The following AFAP1 variants were observed in gnomAD, a reference collection of about 807,000 sequenced individuals.
AFAP1 encodes the protein actin filament-associated protein 1.
In AFAP1, 75 loss-of-function variants were observed where a neutral mutation model predicts 93.9. That is an observed-to-expected ratio of 0.80 (90% CI 0.66 to 0.97). The LOEUF (loss-of-function observed/expected upper bound fraction) is 0.97. Ranked by LOEUF, AFAP1 falls within the 50% of genes least tolerant of loss-of-function variation. The pLI is 0.00. For synonymous variants in AFAP1, 517 were observed against 430.7 expected (o/e 1.20, Z -2.48); for missense variants, 1,201 against 1,050.8 (o/e 1.14, Z -1.98).
At chr4:7,781,912 C>T (rs1716812782) in intron 12 of AFAP1, among the ~76,000 whole-genome samples, 1 of 152,080 alleles carries the variant, frequency 6.6e-6, no homozygotes. Flanking sequence ...ATTCCCAGAA[C>T]TCTTGGATTA....
chr4:7,817,185 A>G (rs1720552189), intron 7 of AFAP1, among the ~76,000 whole-genome samples: 1 of 152,266 alleles, frequency 6.6e-6, no homozygotes, highest in Admixed American at 6.5e-5. Context: ...TTAAAAAAGA[A>G]AAAGAGGTCT....
At chr4:7,855,044 G>A (rs2149140984) in intron 4 of AFAP1, among the ~76,000 whole-genome samples, 1 of 152,298 alleles carries the variant, frequency 6.6e-6, no homozygotes, top group Non-Finnish European at 1.5e-5. Context: ...GCCTGTTTGT[G>A]CTGTACCCAA....
At position 7,843,245 on chromosome 4, in the gene AFAP1, G is replaced by A; in HGVS notation, c.440C>T (p.Ser147Phe). ...TTTGGCGTCCTTGACCAGGTCCATGGAGGCCTCCTCGGAGGGCCACTGGTG... is the reference window on the plus strand; with the variant it reads ...TTTGGCGTCCTTGACCAGGTCCATGAAGGCCTCCTCGGAGGGCCACTGGTG... ...TRHQWPSEEA[S>F]MDLVKDAKIC... Residue 147 changes from serine (S) to phenylalanine (F), a missense_variant, in exon 5 of 18, where the codon TCC becomes TTC. Coordinates refer to ENST00000420658, the MANE Select transcript of AFAP1 (RefSeq NM_001134647.2). 1.2e-6 allele frequency: 2 copies of A among 1,614,174 alleles called. No homozygotes were observed. Among genetic ancestry groups the A allele is most frequent in the Non-Finnish European group, 8.5e-7 (1 of 1,180,034 alleles).
In AFAP1 at chr4:7,922,712, G is replaced by A. The variant is rs574467959; in HGVS notation, c.-3+16944C>T. Among the ~76,000 whole-genome samples the A allele has an allele frequency of 1.0e-3, 159 of 152,312 alleles. 1 individual carries two copies. The highest frequency in any genetic ancestry group is 3.3e-3 in the African/African-American group (139 of 41,566). On this transcript the variant is annotated intron_variant, in intron 1 of 17. Coordinates refer to ENST00000420658, the MANE Select transcript of AFAP1 (RefSeq NM_001134647.2). Reference sequence around the variant, plus strand: ...AATGAAAAATCACTGGGCCGGGTGCGGCGGCTCATGCCTGTAATCCCAGCG... The same window carrying A: ...AATGAAAAATCACTGGGCCGGGTGCAGCGGCTCATGCCTGTAATCCCAGCG...
rs532964685 is a variant in AFAP1, at chr4:7,763,822, A to T, written c.2419-31T>A. The T allele has an allele frequency of 2.6e-6, 4 of 1,551,154 alleles. No individual in the cohort carries two copies. In the African/African-American group the frequency reaches 5.5e-5, roughly 21 times the overall value. On this transcript the variant is annotated intron_variant, in intron 17 of 17. Transcript: ENST00000420658. ...GGAAAGGAGAGTCTTGTAAGTGGAC[A>T]GGGCAAGAGGATCAGGCTGGGACAA...
chr4:7,780,711 T>C (rs1716675334), intron 13 of AFAP1, among the ~76,000 whole-genome samples: 4 of 152,022 alleles, frequency 2.6e-5, no homozygotes, highest in Non-Finnish European at 5.9e-5. Context: ...TTGCCATAGA[T>C]ACAGGGTGTG....
intron 11 of AFAP1, among the ~76,000 whole-genome samples, chr4:7,791,759 G>A (rs1717872523): frequency 6.6e-6 from 1 of 151,378 alleles, no homozygotes; most frequent in Admixed American, 6.6e-5. Flanking sequence ...AGGCTGAGAT[G>A]GGAGGATCCC....
chr4:7,852,656 T>G (rs557341418), intron 4 of AFAP1, among the ~76,000 whole-genome samples: 2 of 150,886 alleles, frequency 1.3e-5, no homozygotes, highest in South Asian at 4.2e-4. Context: ...AACCAAGGGG[T>G]TTGCTGGGGG....
chr4:7,768,887 G>A lies in AFAP1; in HGVS notation c.2375C>T (p.Pro792Leu), dbSNP rs371528184. The A allele has an allele frequency of 1.7e-5, 28 of 1,610,110 alleles. No individual in the cohort carries two copies. The highest frequency in any genetic ancestry group is 2.7e-5 in the African/African-American group (2 of 74,848). ...AAVLKKSQAAPGSSPCRGHVL... is the reference protein window; with the variant it reads ...AAVLKKSQAALGSSPCRGHVL... ...ATGCCCTCGGCAGGGGGAGCTGCCC[G>A]GGGCAGCCTGGCTCTTCTTCAAGAC... Residue 792 changes from proline to leucine, a missense_variant, in exon 17 of 18, where the codon CCG becomes CTG. Coordinates refer to ENST00000420658, the MANE Select transcript of AFAP1 (RefSeq NM_001134647.2).
chr4:7,939,471 C>A lies in AFAP1; in HGVS notation c.-3+185G>T. The stretch of plus-strand genomic sequence containing the variant: ...GGACCGGCCCCCACCCGCAGGACGA[C>A]CGGGACCCCCGCGCGGGCCCACGCG... On this transcript the variant is annotated intron_variant, in intron 1 of 17. Coordinates refer to ENST00000420658, the MANE Select transcript of AFAP1 (RefSeq NM_001134647.2). The surrounding 1 kb of genome is among the most constrained non-coding windows in gnomAD (Gnocchi z 5.6). 1 of 300,888 alleles carries A rather than the reference C, an allele frequency of 3.3e-6. No individual in the cohort carries two copies. The highest frequency in any genetic ancestry group is 6.3e-6 in the Non-Finnish European group (1 of 157,910). The allele number at this position is 300,888 out of a possible 1,614,324, so 18.6% of individuals were successfully genotyped here. A position where few individuals can be genotyped will look rare whatever the true frequency, so the allele number is the denominator to read the frequency against.
intron 17 of AFAP1, among the ~76,000 whole-genome samples, chr4:7,765,163 G>A (rs966303286): frequency 6.6e-6 from 1 of 152,152 alleles, no homozygotes; most frequent in Non-Finnish European, 1.5e-5. Context: ...GGTCCAAAGT[G>A]ATGAAGCTGG....
intron 6 of AFAP1, among the ~76,000 whole-genome samples, chr4:7,836,973 C>A (rs1712378344): frequency 6.6e-6 from 1 of 152,072 alleles, no homozygotes; most frequent in South Asian, 2.1e-4. Flanking sequence ...TAACCTGGCA[C>A]AAGGATGACA....
rs1713922730 is a variant in AFAP1 at position 7,762,291 on chromosome 4, G to A, written c.*1474C>T. 2.0e-5 allele frequency: 3 copies of A among 152,200 alleles called. No individual in the cohort carries two copies. The highest frequency in any genetic ancestry group is 7.2e-5 in the African/African-American group (3 of 41,440). The allele number at this position is 152,200 out of a possible 1,614,324, so 9.4% of individuals were successfully genotyped here. Reference sequence around the variant, plus strand: ...GTGTTTTCCCGCCATCTCTTCCTCTGTGTGAAAAAGGACATTCTGGACAGT... The same window carrying A: ...GTGTTTTCCCGCCATCTCTTCCTCTATGTGAAAAAGGACATTCTGGACAGT... On this transcript the variant is annotated 3_prime_UTR_variant, in exon 18 of 18. Coordinates refer to ENST00000420658, the MANE Select transcript of AFAP1 (RefSeq NM_001134647.2).
intron 16 of AFAP1, among the ~76,000 whole-genome samples, chr4:7,770,370 CAT>C (rs1200039004): frequency 1.3e-5 from 2 of 152,136 alleles, no homozygotes; most frequent in South Asian, 2.1e-4. Flanking sequence ...TGAGGACTAA[CAT>C]GTCCACTGGA....
intron 1 of AFAP1, among the ~76,000 whole-genome samples, chr4:7,895,760 A>C (rs1718725253): frequency 6.6e-6 from 1 of 152,046 alleles, no homozygotes; most frequent in African/African-American, 2.4e-5. Context: ...CGGTTTTAGG[A>C]ATTAGCAGCT....
chr4:7,786,259 T>TG lies in AFAP1; in HGVS notation c.1464dup (p.Asn489GlnfsTer14), dbSNP rs1717250872. On this transcript the variant is annotated frameshift_variant, in exon 12 of 18. Coordinates refer to ENST00000420658, the MANE Select transcript of AFAP1 (RefSeq NM_001134647.2). LOFTEE classifies it high-confidence loss of function. ...GTCCCGCTGGGGTGGGCATAGCCGT[T>TG]GGAGGTGCCCCCTAGATATGGGTTA... 6.2e-7 allele frequency: 1 copy of TG among 1,614,208 alleles called. No individual in the cohort carries two copies.
chr4:7,766,203 G>A (rs1487634154), intron 17 of AFAP1, among the ~76,000 whole-genome samples: 1 of 152,188 alleles, frequency 6.6e-6, no homozygotes, highest in African/African-American at 2.4e-5. Context: ...GCAAAGGGGA[G>A]GATGGGTAGC....
chr4:7,808,178 T>A (rs1482594213), intron 9 of AFAP1, among the ~76,000 whole-genome samples: 1 of 152,148 alleles, frequency 6.6e-6, no homozygotes, highest in Non-Finnish European at 1.5e-5. Context: ...GACAGCACAT[T>A]CCTATAATTT....
intron 5 of AFAP1, 76 bp from the exon 6 acceptor site, chr4:7,838,779 G>A (rs1218327737): frequency 1.3e-6 from 2 of 1,528,282 alleles, no homozygotes; most frequent in Non-Finnish European, 1.8e-6. Flanking sequence ...CTAGCATCAT[G>A]AAAACCTGAG....
Sources: allele counts gnomAD v4.1 joint callset (sites outside exome capture counted in the v4.1 genomes callset), GRCh38; gene constraint gnomAD v4.1.1; non-coding constraint Gnocchi (gnomAD v3.1); transcripts MANE v1.5; gene names NCBI Gene and HGNC (gene_info 2026-07-23, HGNC 2026-07-21).